AHNAK: variants seen among roughly 807,000 people sequenced by gnomAD.
AHNAK encodes the protein AHNAK nucleoprotein, also known as neuroblast differentiation-associated protein AHNAK.
AHNAK carries 23 observed loss-of-function variants against 37.8 expected under a neutral mutation model. The ratio of observed to expected loss-of-function variants is 0.61; its 90% CI spans 0.44 to 0.86. The LOEUF (loss-of-function observed/expected upper bound fraction) is 0.86, where lower values mean the gene tolerates loss of function less well. Ranked by LOEUF, AHNAK falls within the 40% of genes least tolerant of loss-of-function variation. The pLI is 0.00. For missense variants in AHNAK, 7,411 were observed against 7,319.4 expected, an observed-to-expected ratio of 1.01 and a Z score of -0.46; for synonymous variants, 2,481 against 2,636.3, an observed-to-expected ratio of 0.94 and a Z score of 1.80.
At chr11:62,455,294 C>T (rs775752445) in intron 5 of AHNAK, among the ~76,000 whole-genome samples, 1 of 152,044 alleles carries the variant, frequency 6.6e-6, no homozygotes, top group African/African-American at 2.4e-5. Flanking sequence ...CTTCAGGACA[C>T]TTAAAGGAAT....
intron 5 of AHNAK, among the ~76,000 whole-genome samples, chr11:62,483,210 G>T (rs1257288859): frequency 6.6e-6 from 1 of 152,186 alleles, no homozygotes; most frequent in African/African-American, 2.4e-5. Context: ...AGGGTGGGCT[G>T]CAGGCCTTCT....
chr11:62,480,641 A>T (rs1590617645), intron 5 of AHNAK, among the ~76,000 whole-genome samples: 1 of 151,804 alleles, frequency 6.6e-6, no homozygotes, highest in East Asian at 1.9e-4. Context: ...AGCCTGGGTG[A>T]CAGAGCAAGA....
Position 62,518,363 on chromosome 11 carries a change from C to T in AHNAK, c.16054G>A (p.Ala5352Thr). 1.2e-6 allele frequency: 2 copies of T among 1,614,158 alleles called. No homozygotes were observed. Among genetic ancestry groups the T allele is most frequent in the Non-Finnish European group, 1.7e-6 (2 of 1,180,024 alleles). ...GDGVKVPGID[A>T]TTKLNVGAPD... ...GCCCCAACGTTAAGCTTTGTTGTGG[C>T]ATCGATCCCTGGCACTTTCACACCG... Residue 5352 changes from alanine to threonine, a missense_variant, in exon 5 of 5, where the codon GCC becomes ACC. Ala to Thr is a moderately conservative substitution (Grantham distance 58). Coordinates refer to ENST00000378024, the MANE Select transcript of AHNAK (RefSeq NM_001620.3).
At chr11:62,474,430 C>T (rs1247775462) in intron 5 of AHNAK, among the ~76,000 whole-genome samples, 1 of 152,174 alleles carries the variant, frequency 6.6e-6, no homozygotes, top group Non-Finnish European at 1.5e-5. Context: ...GTGATCTGCC[C>T]TCAGCCTCCC....
chr11:62,516,544 T>C lies in AHNAK; in HGVS notation c.*200A>G. 6.3e-6 allele frequency: 9 copies of C among 1,427,296 alleles called. No homozygotes were observed. The South Asian group carries it at 1.4e-4, about 23-fold the overall frequency. The allele number at this position is 1,427,296 out of a possible 1,614,324, so 88.4% of individuals were successfully genotyped here. ...GACTTTGCACATGGGCTGGACGAAC[T>C]TGGAACTCTTTACCTATCTGTATAG... On this transcript the variant is annotated 3_prime_UTR_variant, in exon 5 of 5. Transcript: ENST00000378024.
chr11:62,522,205 G>A lies in AHNAK; in HGVS notation c.12212C>T (p.Pro4071Leu), dbSNP rs2134205269. 2 of 1,612,992 alleles carry A rather than the reference G, an allele frequency of 1.2e-6. No individual in the cohort carries two copies. Among genetic ancestry groups the A allele is most frequent in the South Asian group, 2.2e-5 (2 of 91,018 alleles). Residue 4071 changes from proline to leucine, a missense_variant, in exon 5 of 5, where the codon CCA becomes CTA. Coordinates refer to ENST00000378024, the MANE Select transcript of AHNAK (RefSeq NM_001620.3). ...TTCTGGGCCCTCTCCTTTAAATCCT[G>A]GCATGCTGAATTTGGGCATTTTCAC... ...PKVKMPKFSM[P>L]GFKGEGPEVD...
chr11:62,544,843 A>G (rs1941255839), intron 1 of AHNAK, among the ~76,000 whole-genome samples: 1 of 152,076 alleles, frequency 6.6e-6, no homozygotes, highest in African/African-American at 2.4e-5. Context: ...AGGGGCCCTT[A>G]AACGCCTTCC....
chr11:62,461,529 T>C (rs1938788159), intron 5 of AHNAK, among the ~76,000 whole-genome samples: 1 of 152,160 alleles, frequency 6.6e-6, no homozygotes, highest in African/African-American at 2.4e-5. Flanking sequence ...TCAGAGTCAA[T>C]AGTTAGAGAA....
chr11:62,510,307 G>A (rs1323332356), intron 4 of AHNAK, among the ~76,000 whole-genome samples: 1 of 151,952 alleles, frequency 6.6e-6, no homozygotes. Flanking sequence ...GCCTCCCAAA[G>A]TGCTGGAATT....
chr11:62,543,261 C>A (rs11231135), intron 1 of AHNAK, among the ~76,000 whole-genome samples: 165 of 152,300 alleles, frequency 1.1e-3, no homozygotes, highest in African/African-American at 3.8e-3. Flanking sequence ...TCAGTCCTTA[C>A]CTACAACCCC....
intron 4 of AHNAK, among the ~76,000 whole-genome samples, chr11:62,493,633 C>CT (rs955179841): frequency 6.7e-6 from 1 of 148,328 alleles, no homozygotes; most frequent in African/African-American, 2.6e-5. Context: ...CGTGCCCAGC[C>CT]TTTTTTTTAT....
rs778724077 is a variant in AHNAK at position 62,525,535 on chromosome 11, G to A, written c.8882C>T (p.Pro2961Leu). ...FKMPEMNIKA[P>L]KIPMPDFDLH... ...ATCAAAGTCAGGCATGGGGATCTTG[G>A]GGGCTTTGATATTCATCTCTGGCAT... The change falls in exon 5 of 5, where the codon CCC becomes CTC. Residue 2961 changes from proline (P) to leucine (L), a missense_variant. Transcript: ENST00000378024. 6.2e-7 allele frequency: 1 copy of A among 1,613,678 alleles called. No homozygotes were observed. Among genetic ancestry groups the A allele is most frequent in the African/African-American group, 1.3e-5 (1 of 74,754 alleles).
rs748703325 is a variant in AHNAK, at chr11:62,523,182, T to C, written c.11235A>G (p.Ile3745Met). The change falls in exon 5 of 5, where the codon ATA becomes ATG. Residue 3745 changes from isoleucine (I) to methionine (M), a missense_variant. Coordinates refer to ENST00000378024, the MANE Select transcript of AHNAK (RefSeq NM_001620.3). ...IPEMHLKAPK[I>M]SMPDIDLNLK... Reference sequence around the variant, plus strand: ...GGTTTAAATCAATGTCAGGCATCGATATTTTGGGAGCCTTCAGGTGCATCT... The same window carrying C: ...GGTTTAAATCAATGTCAGGCATCGACATTTTGGGAGCCTTCAGGTGCATCT... 6.2e-7 allele frequency: 1 copy of C among 1,613,102 alleles called. No individual in the cohort carries two copies. Among genetic ancestry groups the C allele is most frequent in the Non-Finnish European group, 8.5e-7 (1 of 1,179,792 alleles).
Position 62,517,546 on chromosome 11 carries a change from A to G in AHNAK, c.16871T>C (p.Val5624Ala), listed in dbSNP as rs761407110. Residue 5624 changes from valine to alanine, a missense_variant, in exon 5 of 5, where the codon GTG becomes GCG. Coordinates refer to ENST00000378024, the MANE Select transcript of AHNAK (RefSeq NM_001620.3). ...CTGACCTCCTTTCACACCTCCTTCC[A>G]CCTTTGGTCCTGAGAAATGAAGGCC... is the stretch of plus-strand genomic sequence containing the variant. ...AGGLHFSGPK[V>A]EGGVKGGQIG... is the part of the protein sequence containing the mutation. The G allele has an allele frequency of 2.5e-6, 4 of 1,613,794 alleles. No individual in the cohort carries two copies. The Admixed American group carries it at 6.7e-5, about 27-fold the overall frequency.
intron 5 of AHNAK, among the ~76,000 whole-genome samples, chr11:62,440,267 C>T (rs1015886781): frequency 6.6e-6 from 1 of 151,924 alleles, no homozygotes. Context: ...GATGAGGAAA[C>T]GACACTGAGA....
At position 62,516,489 on chromosome 11, in the gene AHNAK, T is replaced by C. The variant is rs1940021967; in HGVS notation, c.*255A>G. 2.2e-6 allele frequency: 3 copies of C among 1,351,236 alleles called. No individual in the cohort carries two copies. The highest frequency in any genetic ancestry group is 3.1e-5 in the Admixed American group (1 of 32,758). The allele number at this position is 1,351,236 out of a possible 1,614,324, so 83.7% of individuals were successfully genotyped here. A position where few individuals can be genotyped will look rare whatever the true frequency, so the allele number is the denominator to read the frequency against. On this transcript the variant is annotated 3_prime_UTR_variant, in exon 5 of 5. Coordinates refer to ENST00000378024, the MANE Select transcript of AHNAK (RefSeq NM_001620.3). ...TCAGCAGTCAATGCAAAAAAATATA[T>C]ATATATGAAATCTTAAGGCAAATAC...
Position 62,532,862 on chromosome 11 carries a change from T to C in AHNAK, c.1555A>G (p.Lys519Glu), listed in dbSNP as rs1940811634. 6.2e-7 allele frequency: 1 copy of C among 1,613,980 alleles called. No individual in the cohort carries two copies. The highest frequency in any genetic ancestry group is 1.1e-5 in the South Asian group (1 of 91,082). Residue 519 changes from lysine to glutamate, a missense_variant, in exon 5 of 5, where the codon AAG (lysine) becomes GAG (glutamate). Lys to Glu is a moderately conservative substitution (Grantham distance 56). Coordinates refer to ENST00000378024, the MANE Select transcript of AHNAK (RefSeq NM_001620.3). Reference protein sequence around the residue: ...LGSPKLKGDIKVSAPGVQGDV... With the variant: ...LGSPKLKGDIEVSAPGVQGDV... ...CCTTGCACCCCAGGAGCAGAAACCT[T>C]AATATCTCCTTTCAGTTTAGGAGAC...
At chr11:62,460,796 T>TG (rs1227454364) in intron 5 of AHNAK, among the ~76,000 whole-genome samples, 1 of 151,924 alleles carries the variant, frequency 6.6e-6, no homozygotes, top group African/African-American at 2.4e-5. Context: ...GGCTGTCATG[T>TG]GGTAGAGTGG....
chr11:62,520,249 A>T lies in AHNAK; in HGVS notation c.14168T>A (p.Met4723Lys). Residue 4723 changes from methionine (M) to lysine (K), a missense_variant, in exon 5 of 5, where the codon ATG becomes AAG. Coordinates refer to ENST00000378024, the MANE Select transcript of AHNAK (RefSeq NM_001620.3). ...TTTCAGGTTTAAGTCAATATCAGGC[A>T]TGGAGATCTTGGGGGCTTTGATGCT... ...EMSIKAPKIS[M>K]PDIDLNLKGP... 1 of 1,612,494 alleles carries T rather than the reference A, an allele frequency of 6.2e-7. No individual in the cohort carries two copies. Among genetic ancestry groups the T allele is most frequent in the Non-Finnish European group, 8.5e-7 (1 of 1,179,684 alleles).
Sources: gnomAD v4.1 joint callset for allele counts (sites outside exome capture counted in the v4.1 genomes callset) on GRCh38, gnomAD v4.1.1 for gene constraint, MANE v1.5 for transcripts, NCBI Gene and HGNC (gene_info 2026-07-23, HGNC 2026-07-21) for gene names.